LSM6: variants seen among roughly 807,000 people sequenced by gnomAD.
LSM6 encodes the protein LSM6 homolog, U6 small nuclear RNA and mRNA degradation associated, also known as U6 snRNA-associated Sm-like protein LSm6.
Under a neutral mutation model 13.5 loss-of-function variants are expected in LSM6, and 2 were observed. That is an observed-to-expected ratio of 0.15 (90% CI 0.06 to 0.47). LSM6 has a LOEUF of 0.47. LSM6 is among the 20% of genes least tolerant of loss of function. The probability of loss-of-function intolerance (pLI) is 0.97; values close to 1 mark genes in which losing one functional copy is unlikely to be tolerated. For synonymous variants in LSM6, 43 were observed against 34.9 expected (o/e 1.23, Z -0.82); for missense variants, 58 against 96.4 (o/e 0.60, Z 1.67).
intron 2 of LSM6, among the ~76,000 whole-genome samples, chr4:146,186,552 A>G (rs949131360): frequency 1.3e-5 from 2 of 152,196 alleles, no homozygotes; most frequent in African/African-American, 4.8e-5. Flanking sequence ...ACAATTAAAG[A>G]TTGACTCAAA....
At chr4:146,176,846 AG>A (rs1730121564) in intron 1 of LSM6, among the ~76,000 whole-genome samples, 1 of 151,866 alleles carries the variant, frequency 6.6e-6, no homozygotes, top group Admixed American at 6.6e-5. Flanking sequence ...CCTATTTTTT[AG>A]ATTATTTCCT....
chr4:146,189,780 A>G lies in LSM6; in HGVS notation c.*124A>G, dbSNP rs78408400. The G allele has an allele frequency of 8.8e-3, 5,820 of 661,158 alleles. 282 individuals carry two copies. In the East Asian group the frequency reaches 0.11, roughly 13 times the overall value. 41.0% of individuals were successfully genotyped at this position (661,158 alleles called of 1,614,324 possible). A position where few individuals can be genotyped will look rare whatever the true frequency, so the allele number is the denominator to read the frequency against. Reference sequence around the variant, plus strand: ...TAATAGTTGGTGATTTTTCACTGACATGTGAGTAAGATAAATGTATACAAT... The same window carrying G: ...TAATAGTTGGTGATTTTTCACTGACGTGTGAGTAAGATAAATGTATACAAT... On this transcript the variant is annotated 3_prime_UTR_variant, in exon 4 of 4. Coordinates refer to ENST00000296581, the MANE Select transcript of LSM6 (RefSeq NM_007080.3).
rs1288158030 is a variant in LSM6, at chr4:146,189,141, ACC to A, written c.209-480_209-479del. Among the ~76,000 whole-genome samples the A allele has an allele frequency of 2.0e-5, 3 of 151,982 alleles. No homozygotes were observed. In the East Asian group the frequency reaches 5.8e-4, roughly 29 times the overall value. ...AGTCGCTGGGACTACAAGTGCATATACCACCATGCCTGGTTAATTTTTTGTAT... is the reference window on the plus strand; with the variant it reads ...AGTCGCTGGGACTACAAGTGCATATAACCATGCCTGGTTAATTTTTTGTAT... On this transcript the variant is annotated intron_variant, in intron 3 of 3. Transcript: ENST00000296581.
At chr4:146,189,293 C>G (rs1309299985) in intron 3 of LSM6, among the ~76,000 whole-genome samples, 1 of 152,126 alleles carries the variant, frequency 6.6e-6, no homozygotes, top group African/African-American at 2.4e-5. Flanking sequence ...GTGTTCAGCC[C>G]TGAAAAGCAT....
At position 146,186,892 on chromosome 4, in the gene LSM6, G is replaced by C. The variant is rs187916295; in HGVS notation, c.95-382G>C. On this transcript the variant is annotated intron_variant, in intron 2 of 3. Transcript: ENST00000296581. ...AGTGGCTAAAGTAGGAAATGCCACT[G>C]GAACCAAGGATCATTTGTTTATGCA... 1.1e-4 allele frequency among the ~76,000 whole-genome samples: 17 copies of C among 152,328 alleles called. No homozygotes were observed. In the East Asian group the frequency reaches 2.7e-3, roughly 24 times the overall value.
Position 146,175,788 on chromosome 4 carries a change from A to C in LSM6, c.-34A>C, listed in dbSNP as rs1469739931. The C allele has an allele frequency of 1.3e-5, 2 of 152,310 alleles. No homozygotes were observed. Among genetic ancestry groups the C allele is most frequent in the African/African-American group, 4.8e-5 (2 of 41,430 alleles). 9.4% of individuals were successfully genotyped at this position (152,310 alleles called of 1,614,324 possible). A position where few individuals can be genotyped will look rare whatever the true frequency, so the allele number is the denominator to read the frequency against. On this transcript the variant is annotated 5_prime_UTR_variant, in exon 1 of 4. Coordinates refer to ENST00000296581, the MANE Select transcript of LSM6 (RefSeq NM_007080.3). ...CCGGGCTCGTGGGGCGCCTGGAGTGAGGGTTCTGGTTCCCGCCGGCGAGGT... is the reference window on the plus strand; with the variant it reads ...CCGGGCTCGTGGGGCGCCTGGAGTGCGGGTTCTGGTTCCCGCCGGCGAGGT...
chr4:146,181,369 G>A (rs1730226834), intron 1 of LSM6: 1 of 152,138 alleles, frequency 6.6e-6, no homozygotes, highest in African/African-American at 2.4e-5. Flanking sequence ...AATTCTTCTA[G>A]ATTTTAAGTT....
chr4:146,182,302 C>T (rs1730248998), intron 1 of LSM6, among the ~76,000 whole-genome samples: 1 of 152,168 alleles, frequency 6.6e-6, no homozygotes, highest in Non-Finnish European at 1.5e-5. Context: ...TAATTCTTTT[C>T]AGAGATACCA....
intron 1 of LSM6, chr4:146,176,489 T>A (rs1730111481): frequency 6.6e-6 from 1 of 152,258 alleles, no homozygotes; most frequent in South Asian, 2.1e-4. Context: ...CTCTTAGTAA[T>A]ACGTGACTAT....
At chr4:146,184,429 C>A (rs1027243074) in intron 2 of LSM6, among the ~76,000 whole-genome samples, 1 of 152,146 alleles carries the variant, frequency 6.6e-6, no homozygotes, top group Non-Finnish European at 1.5e-5. Flanking sequence ...GCTCATAAGC[C>A]TTGTTAAGAA....
chr4:146,177,839 C>T (rs1352292013), intron 1 of LSM6, among the ~76,000 whole-genome samples: 1 of 152,080 alleles, frequency 6.6e-6, no homozygotes, highest in East Asian at 1.9e-4. Context: ...CAGATATTTC[C>T]AAGTGTCCCT....
At position 146,191,290 on chromosome 4, in the gene LSM6, A is replaced by G. The variant is rs1328035159; in HGVS notation, c.*1634A>G. On this transcript the variant is annotated 3_prime_UTR_variant, in exon 4 of 4. Coordinates refer to ENST00000296581, the MANE Select transcript of LSM6 (RefSeq NM_007080.3). The stretch of plus-strand genomic sequence containing the variant: ...GGTTATTGTGTCCCTTCATTCACTT[A>G]TATCAGCCACCTCTAAAAGCAATTC... 3 of 152,162 alleles carry G rather than the reference A, an allele frequency of 2.0e-5. No homozygotes were observed. Among genetic ancestry groups the G allele is most frequent in the African/African-American group, 7.2e-5 (3 of 41,444 alleles). The allele number at this position is 152,162 out of a possible 1,614,324, so 9.4% of individuals were successfully genotyped here.
At chr4:146,183,263 CAT>C in intron 2 of LSM6, 1 of 361,104 alleles carries the variant, frequency 2.8e-6, no homozygotes, top group Non-Finnish European at 5.2e-6. Flanking sequence ...GCTTTGAGAT[CAT>C]ATGTGCCTAA....
intron 1 of LSM6, chr4:146,176,525 C>G (rs1434554525): frequency 6.6e-6 from 1 of 152,202 alleles, no homozygotes; most frequent in Non-Finnish European, 1.5e-5. Context: ...ACATAGAAGA[C>G]TTTAGTGAAG....
intron 2 of LSM6, among the ~76,000 whole-genome samples, chr4:146,186,291 T>A (rs1336776000): frequency 6.6e-6 from 1 of 152,166 alleles, no homozygotes; most frequent in Non-Finnish European, 1.5e-5. Context: ...ATTACACAAT[T>A]TTGAAAGGAA....
At chr4:146,183,874 T>TC (rs1325238733) in intron 2 of LSM6, among the ~76,000 whole-genome samples, 4 of 147,892 alleles carry the variant, frequency 2.7e-5, no homozygotes, top group African/African-American at 4.9e-5. Flanking sequence ...AATTTTCTTT[T>TC]TTTTTTTTTT....
intron 2 of LSM6, among the ~76,000 whole-genome samples, chr4:146,184,925 A>G (rs1730312242): frequency 6.6e-6 from 1 of 152,224 alleles, no homozygotes; most frequent in African/African-American, 2.4e-5. Flanking sequence ...GGAGTCAACT[A>G]CATGCAACCT....
At chr4:146,184,886 C>A (rs1375804385) in intron 2 of LSM6, among the ~76,000 whole-genome samples, 1 of 152,122 alleles carries the variant, frequency 6.6e-6, no homozygotes, top group African/African-American at 2.4e-5. Context: ...CCAATTTTGA[C>A]CTCTATATTA....
At chr4:146,187,171 T>G (rs1052446256) in intron 2 of LSM6, 103 bp from the exon 3 acceptor site, 1 of 615,440 alleles carries the variant, frequency 1.6e-6, no homozygotes. Context: ...ATTAAGCATC[T>G]AAGAACTAAT....
Sources: gnomAD v4.1 joint callset for allele counts (sites outside exome capture counted in the v4.1 genomes callset) on GRCh38, gnomAD v4.1.1 for gene constraint, MANE v1.5 for transcripts, NCBI Gene and HGNC (gene_info 2026-07-23, HGNC 2026-07-21) for gene names.